The following EBF4 variants were observed in gnomAD, a reference collection of about 807,000 sequenced individuals.
EBF4 encodes the protein EBF transcription factor 4, also known as transcription factor COE4.
In EBF4, 34 loss-of-function variants were observed where a neutral mutation model predicts 67.1. The observed-to-expected ratio is 0.51, with a 90% CI of 0.39 to 0.67. The LOEUF is 0.67. Among genes scored for constraint, EBF4 ranks in the 30% least tolerant of loss-of-function variants. The pLI, the probability that EBF4 is intolerant of heterozygous loss-of-function variation, is 0.00. For missense variants in EBF4, 837 were observed against 873.3 expected (o/e 0.96, Z 0.52); for synonymous variants, 387 against 377.7 (o/e 1.02, Z -0.29).
chr20:2,732,409 AC>A, intron 6 of EBF4, among the ~76,000 whole-genome samples: 1 of 152,342 alleles, frequency 6.6e-6, no homozygotes, highest in Middle Eastern at 3.4e-3. Context: ...GGCATGAGCC[AC>A]CACACCCGGA....
chr20:2,725,293 C>A (rs1223367882), intron 6 of EBF4, among the ~76,000 whole-genome samples: 1 of 152,066 alleles, frequency 6.6e-6, no homozygotes, highest in African/African-American at 2.4e-5. Flanking sequence ...GTTTTTCATT[C>A]ATCTTTCAAG....
intron 1 of EBF4, among the ~76,000 whole-genome samples, chr20:2,700,098 CT>C (rs1401016673): frequency 2.0e-5 from 3 of 152,216 alleles, no homozygotes; most frequent in Non-Finnish European, 4.4e-5. Flanking sequence ...AATACCCCAG[CT>C]CCCTCACCCA....
intron 1 of EBF4, among the ~76,000 whole-genome samples, chr20:2,698,291 A>G (rs2087325210): frequency 6.6e-6 from 1 of 152,232 alleles, no homozygotes; most frequent in South Asian, 2.1e-4. Flanking sequence ...CTCCAGCAGG[A>G]CCAACTGGAC....
exon 14 of EBF4, chr20:2,752,408 C>T (rs2088168590): frequency 4.7e-6 from 6 of 1,288,232 alleles, no homozygotes; most frequent in Non-Finnish European, 5.9e-6. Flanking sequence ...GCGCCCAGCC[C>T]CGGCTCGCAG....
intron 6 of EBF4, among the ~76,000 whole-genome samples, chr20:2,726,320 G>T (rs1332768108): frequency 2.0e-5 from 3 of 152,202 alleles, no homozygotes; most frequent in Non-Finnish European, 4.4e-5. Flanking sequence ...GAGGTGAGGT[G>T]TAGTACCAGC....
chr20:2,744,487 CTTTTCTTT>C lies in EBF4; in HGVS notation c.558-4057_558-4050del. ...TTTTTCTTTTCTTTTTTCTTTTTTT[CTTTTCTTT>C]TTTTTTTTTTTTTTGAGACAGGGTC... On this transcript the variant is annotated intron_variant, in intron 6 of 16. Coordinates refer to ENST00000609451, the Ensembl canonical transcript of EBF4. Among the ~76,000 whole-genome samples, 2 of 111,470 alleles carry C rather than the reference CTTTTCTTT, an allele frequency of 1.8e-5. 1 individual carries two copies. The highest frequency in any genetic ancestry group is 6.0e-4 in the South Asian group (2 of 3,360). The allele number at this position is 111,470 out of a possible 152,430, so 73.1% of individuals were successfully genotyped here.
intron 6 of EBF4, among the ~76,000 whole-genome samples, chr20:2,741,631 G>A (rs1051027473): frequency 1.3e-5 from 2 of 152,132 alleles, no homozygotes; most frequent in African/African-American, 4.8e-5. Context: ...ACATGATTAC[G>A]AAGGCTAAAC....
At position 2,729,251 on chromosome 20, in the gene EBF4, C is replaced by A. The variant is rs116760349; in HGVS notation, c.558-19298C>A. ...ACTCCTATTGAGCGCATTTTCGCAA[C>A]AGTTCACAGCCAGCCACGCTCAAAG... On this transcript the variant is annotated intron_variant, in intron 6 of 16. Coordinates refer to ENST00000609451, the Ensembl canonical transcript of EBF4. 2.7e-3 allele frequency among the ~76,000 whole-genome samples: 406 copies of A among 152,098 alleles called. 2 individuals carry two copies. The highest frequency in any genetic ancestry group is 9.4e-3 in the African/African-American group (390 of 41,490).
At position 2,749,608 on chromosome 20, in the gene EBF4, C is replaced by G. The variant is rs756793562; in HGVS notation, c.758-12C>G. The G allele has an allele frequency of 1.7e-5, 27 of 1,552,732 alleles. No homozygotes were observed. The highest frequency in any genetic ancestry group is 2.7e-5 in the African/African-American group (2 of 73,148). ...CGCGGTCCCCTGACCTGGGTCCTCT[C>G]CTGCCTCCCAGCTGCCACCCCCTGC... is the stretch of plus-strand genomic sequence containing the variant. On this transcript the variant is annotated splice_polypyrimidine_tract_variant and intron_variant, in intron 8 of 16. Transcript: ENST00000609451.
At chr20:2,721,874 C>T (rs2087685875) in intron 6 of EBF4, among the ~76,000 whole-genome samples, 1 of 152,190 alleles carries the variant, frequency 6.6e-6, no homozygotes, top group Non-Finnish European at 1.5e-5. Context: ...TGATTATTCT[C>T]TTCCTTACAG....
intron 14 of EBF4, 84 bp downstream of exon 14, chr20:2,752,629 G>A: frequency 8.7e-7 from 1 of 1,144,070 alleles, no homozygotes; most frequent in Non-Finnish European, 1.1e-6. Flanking sequence ...TCCCGGAGAG[G>A]TTGGGGCGCC....
chr20:2,748,738 A>G, intron 7 of EBF4, 108 bp downstream of exon 7: 2 of 1,295,512 alleles, frequency 1.5e-6, no homozygotes, highest in Non-Finnish European at 2.1e-6. Context: ...AAGGCCTCCA[A>G]GGCAGATCTC....
intron 6 of EBF4, among the ~76,000 whole-genome samples, chr20:2,723,373 C>T (rs755814478): frequency 3.3e-5 from 5 of 151,898 alleles, no homozygotes; most frequent in Admixed American, 1.3e-4. Flanking sequence ...TTCTTTGAGA[C>T]GGAGTCTCGC....
chr20:2,718,170 C>G (rs6051330), intron 6 of EBF4, among the ~76,000 whole-genome samples: 5,292 of 152,190 alleles, frequency 0.035, 320 homozygotes, highest in African/African-American at 0.12. Context: ...GATGTATTAT[C>G]TTTTTAAATA....
At chr20:2,734,662 T>C (rs745856808) in intron 6 of EBF4, among the ~76,000 whole-genome samples, 20 of 152,256 alleles carry the variant, frequency 1.3e-4, no homozygotes, top group Admixed American at 3.3e-4. Context: ...GGACTAATTA[T>C]ATAAAGTCTA....
rs2087248092 is a variant in EBF4 at position 2,693,839 on chromosome 20, G to C, written c.137+57G>C. On this transcript the variant is annotated intron_variant, in intron 1 of 16. Coordinates refer to ENST00000609451, the Ensembl canonical transcript of EBF4. This position sits in a 1 kb window ranked among gnomAD's most constrained non-coding sequence, Gnocchi z 4.6. ...GGTTGGACGGCTGCGCGCCGCCTCA[G>C]CTCAGCTTGCTGGAGCTGCTGGAGC... 1 of 1,255,788 alleles carries C rather than the reference G, an allele frequency of 8.0e-7. No individual in the cohort carries two copies. Among genetic ancestry groups the C allele is most frequent in the Non-Finnish European group, 1.0e-6 (1 of 999,844 alleles). The allele number at this position is 1,255,788 out of a possible 1,614,324, so 77.8% of individuals were successfully genotyped here.
chr20:2,708,109 C>G (rs771749385), intron 5 of EBF4, 89 bp downstream of exon 5: 1 of 1,356,068 alleles, frequency 7.4e-7, no homozygotes, highest in Non-Finnish European at 1.0e-6. Context: ...CCGCCCTTGC[C>G]CCTGGCTGCT....
intron 6 of EBF4, among the ~76,000 whole-genome samples, chr20:2,734,293 C>T (rs748134642): frequency 2.0e-5 from 3 of 152,118 alleles, no homozygotes; most frequent in African/African-American, 2.4e-5. Flanking sequence ...CCTGTAGTCC[C>T]AGCTACTTGG....
intron 6 of EBF4, among the ~76,000 whole-genome samples, chr20:2,729,056 CTATA>C (rs1169787796): frequency 2.0e-5 from 3 of 151,400 alleles, no homozygotes; most frequent in Middle Eastern, 3.4e-3. Context: ...GTGAATATAA[CTATA>C]TAACCATTTT....
Sources: allele counts gnomAD v4.1 joint callset (sites outside exome capture counted in the v4.1 genomes callset), GRCh38; gene constraint gnomAD v4.1.1; non-coding constraint Gnocchi (gnomAD v3.1); transcripts MANE v1.5; gene names NCBI Gene and HGNC (gene_info 2026-07-23, HGNC 2026-07-21).